Variants in IVNS1ABP observed in about 807,000 individuals in gnomAD.
The protein encoded by IVNS1ABP is influenza virus NS1A-binding protein.
Under a neutral mutation model 78.9 loss-of-function variants are expected in IVNS1ABP, and 25 were observed. The observed-to-expected ratio is 0.32, with a 90% CI of 0.23 to 0.44. The LOEUF (loss-of-function observed/expected upper bound fraction) is 0.44. Among genes scored for constraint, IVNS1ABP ranks in the 20% least tolerant of loss-of-function variants. IVNS1ABP has a pLI of 1.00. For synonymous variants in IVNS1ABP, 241 were observed against 259.7 expected (o/e 0.93, Z 0.69); for missense variants, 494 against 768.9 (o/e 0.64, Z 4.23).
chr1:185,304,462 A>T lies in IVNS1ABP; in HGVS notation c.765+1074T>A, dbSNP rs76491390. Among the ~76,000 whole-genome samples, 834 of 152,262 alleles carry T rather than the reference A, an allele frequency of 5.5e-3. 32 individuals carry two copies. The East Asian group carries it at 0.092, about 17-fold the overall frequency. ...TATTCACTCACTGTTGCCACAGGAC[A>T]CCTGAGAGAGCTAACACCTGATAAT... On this transcript the variant is annotated intron_variant, in intron 8 of 14. Transcript: ENST00000367498.
At chr1:185,307,750 G>T (rs767245872) in intron 5 of IVNS1ABP, 88 bp from the exon 6 acceptor site, 19 of 1,367,700 alleles carry the variant, frequency 1.4e-5, no homozygotes, top group Non-Finnish European at 1.8e-5. Flanking sequence ...ACTATGTGAA[G>T]ATACAAAGAA....
At chr1:185,312,307 G>A (rs758473418) in intron 1 of IVNS1ABP, among the ~76,000 whole-genome samples, 6 of 151,984 alleles carry the variant, frequency 3.9e-5, no homozygotes, top group Non-Finnish European at 7.4e-5. Context: ...TACTTATTTT[G>A]TAATCACCTG....
In IVNS1ABP at chr1:185,299,911, T is replaced by C. The variant is rs770911323; in HGVS notation, c.1502-28A>G. 7 of 1,613,222 alleles carry C rather than the reference T, an allele frequency of 4.3e-6. No homozygotes were observed. In the Admixed American group the frequency reaches 1.0e-4, roughly 23 times the overall value. On this transcript the variant is annotated intron_variant, in intron 13 of 14. Coordinates refer to ENST00000367498, the MANE Select transcript of IVNS1ABP (RefSeq NM_006469.5). ...ACAAGAAAAGTCAAGTCAAGATTAT[T>C]GCTACATCTCCCAGACTCTAAGTGT...
chr1:185,311,288 C>T lies in IVNS1ABP; in HGVS notation c.-212G>A. The stretch of plus-strand genomic sequence containing the variant: ...TAATCAAGTCCTTAAAAGCTATAGA[C>T]ACGAATTTCTTCTGTGATAATGATG... On this transcript the variant is annotated 5_prime_UTR_variant, in exon 2 of 15. Coordinates refer to ENST00000367498, the MANE Select transcript of IVNS1ABP (RefSeq NM_006469.5). 1 of 397,914 alleles carries T rather than the reference C, an allele frequency of 2.5e-6. No individual in the cohort carries two copies. Among genetic ancestry groups the T allele is most frequent in the Non-Finnish European group, 4.4e-6 (1 of 225,600 alleles). 24.6% of individuals were successfully genotyped at this position (397,914 alleles called of 1,614,324 possible).
intron 8 of IVNS1ABP, among the ~76,000 whole-genome samples, chr1:185,304,133 G>C (rs1202868511): frequency 5.3e-5 from 8 of 151,984 alleles, no homozygotes; most frequent in South Asian, 2.1e-4. Flanking sequence ...AATATCCCTG[G>C]CTTCTCTCCT....
chr1:185,317,101 G>T lies in IVNS1ABP; in HGVS notation c.-395C>A, dbSNP rs1056306037. 4 of 398,366 alleles carry T rather than the reference G, an allele frequency of 1.0e-5. No homozygotes were observed. The highest frequency in any genetic ancestry group is 6.2e-4 in the Middle Eastern group (1 of 1,610). 24.7% of individuals were successfully genotyped at this position (398,366 alleles called of 1,614,324 possible). ...GTAGAAGGACGAGGGGCCAGTCCGT[G>T]GAGACTGAAAGGAAGGGGGAGCGCC... On this transcript the variant is annotated 5_prime_UTR_variant, in exon 1 of 15. Transcript: ENST00000367498.
rs1472279555 is a variant in IVNS1ABP at position 185,296,685 on chromosome 1, CAG to C, written c.*1348_*1349del. 6.6e-6 allele frequency: 1 copy of C among 152,044 alleles called. No individual in the cohort carries two copies. Among genetic ancestry groups the C allele is most frequent in the African/African-American group, 2.4e-5 (1 of 41,394 alleles). 9.4% of individuals were successfully genotyped at this position (152,044 alleles called of 1,614,324 possible). A position where few individuals can be genotyped will look rare whatever the true frequency, so the allele number is the denominator to read the frequency against. ...CAAGTTAGCCACTGAATAGTCATCTCAGAATAGTCACCTCATCCCAGTTGGCC... is the reference window on the plus strand; with the variant it reads ...CAAGTTAGCCACTGAATAGTCATCTCAATAGTCACCTCATCCCAGTTGGCC... On this transcript the variant is annotated 3_prime_UTR_variant, in exon 15 of 15. Transcript: ENST00000367498.
chr1:185,300,754 C>G, intron 10 of IVNS1ABP, 196 bp from the exon 11 acceptor site: 1 of 707,368 alleles, frequency 1.4e-6, no homozygotes, highest in Non-Finnish European at 2.3e-6. Context: ...ACTGCTTAGT[C>G]TTGGCTTGAA....
At position 185,307,147 on chromosome 1, in the gene IVNS1ABP, T is replaced by C. The variant is rs370062683; in HGVS notation, c.532-8A>G. The stretch of plus-strand genomic sequence containing the variant: ...TTCAAGCATTACCTCCAACTAGAAT[T>C]GGGAAAAACAATGACATGGATCAGT... On this transcript the variant is annotated splice_polypyrimidine_tract_variant and splice_region_variant and intron_variant, in intron 6 of 14. Transcript: ENST00000367498. 1.6e-5 allele frequency: 25 copies of C among 1,612,798 alleles called. No individual in the cohort carries two copies. Among genetic ancestry groups the C allele is most frequent in the Non-Finnish European group, 2.0e-5 (24 of 1,179,256 alleles).
chr1:185,315,330 C>CA (rs1268609386), intron 1 of IVNS1ABP, among the ~76,000 whole-genome samples: 1 of 152,036 alleles, frequency 6.6e-6, no homozygotes, highest in Non-Finnish European at 1.5e-5. Flanking sequence ...AGCAAGTAGC[C>CA]AAAAAGACAC....
intron 5 of IVNS1ABP, among the ~76,000 whole-genome samples, 166 bp downstream of exon 5, chr1:185,308,634 T>C (rs1297983547): frequency 6.6e-6 from 1 of 152,186 alleles, no homozygotes; most frequent in Non-Finnish European, 1.5e-5. Flanking sequence ...GTGATCTTGC[T>C]ACATTATTAT....
chr1:185,301,308 G>A lies in IVNS1ABP; in HGVS notation c.896-112C>T, dbSNP rs550190842. ...TCCCAGACTGGAACAATCTGCTCTC[G>A]TTTTCCAAATTTAATTGCTTCTGAG... On this transcript the variant is annotated intron_variant, in intron 9 of 14. Coordinates refer to ENST00000367498, the MANE Select transcript of IVNS1ABP (RefSeq NM_006469.5). 324 of 1,435,468 alleles carry A rather than the reference G, an allele frequency of 2.3e-4. 1 individual carries two copies. The highest frequency in any genetic ancestry group is 2.7e-4 in the South Asian group (22 of 80,378). The allele number at this position is 1,435,468 out of a possible 1,614,324, so 88.9% of individuals were successfully genotyped here. A position where few individuals can be genotyped will look rare whatever the true frequency, so the allele number is the denominator to read the frequency against.
At position 185,313,476 on chromosome 1, in the gene IVNS1ABP, T is replaced by G. The variant is rs556767031; in HGVS notation, c.-246-2154A>C. Among the ~76,000 whole-genome samples, 88 of 152,264 alleles carry G rather than the reference T, an allele frequency of 5.8e-4. No individual in the cohort carries two copies. The Middle Eastern group carries it at 0.01, about 18-fold the overall frequency. On this transcript the variant is annotated intron_variant, in intron 1 of 14. Transcript: ENST00000367498. ...TGTCCTCATACACTATATACCTACT[T>G]CCCGCCCACCTCAAGTTTGGAGGGG... is the stretch of plus-strand genomic sequence containing the variant.
chr1:185,306,374 T>C, intron 7 of IVNS1ABP: 1 of 873,898 alleles, frequency 1.1e-6, no homozygotes, highest in South Asian at 1.6e-5. Context: ...AATTTTATCT[T>C]GTGTATTTTT....
intron 2 of IVNS1ABP, among the ~76,000 whole-genome samples, chr1:185,310,659 G>A (rs1217356931): frequency 6.6e-6 from 1 of 152,060 alleles, no homozygotes; most frequent in Non-Finnish European, 1.5e-5. Flanking sequence ...AAGATTGCTT[G>A]AGCCCAGGAG....
intron 7 of IVNS1ABP, chr1:185,306,783 A>G (rs1315051696): frequency 2.7e-5 from 18 of 658,580 alleles, no homozygotes; most frequent in Middle Eastern, 9.4e-4. Flanking sequence ...CTTTAAAGAA[A>G]GTTAACAGCA....
In IVNS1ABP at chr1:185,307,888, T is replaced by G. The variant is rs184822728; in HGVS notation, c.358-226A>C. On this transcript the variant is annotated intron_variant, in intron 5 of 14. Coordinates refer to ENST00000367498, the MANE Select transcript of IVNS1ABP (RefSeq NM_006469.5). ...TAAGGAGAGGTACAACAAATTGAAA[T>G]GCTATGTAAGTTCACATAAGTATTT... 3.8e-5 allele frequency: 56 copies of G among 1,481,980 alleles called. No individual in the cohort carries two copies. The East Asian group carries it at 1.2e-3, about 33-fold the overall frequency. The allele number at this position is 1,481,980 out of a possible 1,614,324, so 91.8% of individuals were successfully genotyped here.
intron 14 of IVNS1ABP, chr1:185,299,380 GAT>G (rs1174647126): frequency 3.1e-6 from 1 of 321,584 alleles, no homozygotes; most frequent in Non-Finnish European, 5.9e-6. Flanking sequence ...TTGCAGATCA[GAT>G]TCTTTAAATT....
rs772839336 is a variant in IVNS1ABP at position 185,305,490 on chromosome 1, T to C, written c.765+46A>G. ...AATTTAAGTATGCTATCAAATTCTC[T>C]AGTCAAATTTTAACCTGAGGTTACC... On this transcript the variant is annotated intron_variant, in intron 8 of 14. Transcript: ENST00000367498. The surrounding 1 kb of genome is among the most constrained non-coding windows in gnomAD (Gnocchi z 4.0). 97 of 1,604,146 alleles carry C rather than the reference T, an allele frequency of 6.0e-5. 2 individuals are homozygous for C. Among genetic ancestry groups the C allele is most frequent in the South Asian group, 3.1e-4 (28 of 89,756 alleles).
Sources: gnomAD v4.1 joint callset for allele counts (sites outside exome capture counted in the v4.1 genomes callset) on GRCh38, gnomAD v4.1.1 for gene constraint, Gnocchi (gnomAD v3.1) non-coding constraint, MANE v1.5 for transcripts, NCBI Gene and HGNC (gene_info 2026-07-23, HGNC 2026-07-21) for gene names.